ACSL3: variants seen among roughly 807,000 people sequenced by gnomAD.
ACSL3 encodes the protein acyl-CoA synthetase long chain family member 3, also known as fatty acid CoA ligase Acsl3.
ACSL3 carries 34 observed loss-of-function variants against 84.7 expected under a neutral mutation model. That is an observed-to-expected ratio of 0.40 (90% CI 0.31 to 0.53). The LOEUF (loss-of-function observed/expected upper bound fraction) is 0.53. ACSL3 is among the 20% of genes least tolerant of loss of function. The probability of loss-of-function intolerance (pLI) is 0.48; values close to 1 mark genes in which losing one functional copy is unlikely to be tolerated. For synonymous variants in ACSL3, 315 were observed against 299.4 expected, an observed-to-expected ratio of 1.05 and a Z score of -0.54; for missense variants, 680 against 873.1, an observed-to-expected ratio of 0.78 and a Z score of 2.79.
chr2:222,873,212 T>C (rs1695352093), intron 1 of ACSL3, among the ~76,000 whole-genome samples: 1 of 152,242 alleles, frequency 6.6e-6, no homozygotes, highest in African/African-American at 2.4e-5. Flanking sequence ...TCTTCAGCAG[T>C]ATTAAAACAT....
intron 1 of ACSL3, among the ~76,000 whole-genome samples, chr2:222,866,396 C>A (rs562548572): frequency 2.1e-4 from 32 of 152,274 alleles, no homozygotes; most frequent in African/African-American, 7.0e-4. Flanking sequence ...CCGCCCGCCT[C>A]GCCCTCCCAA....
At position 222,872,503 on chromosome 2, in the gene ACSL3, CATCT is replaced by C. The variant is rs944291613; in HGVS notation, c.-207+11246_-207+11249del. 9.2e-5 allele frequency among the ~76,000 whole-genome samples: 14 copies of C among 152,180 alleles called. No individual in the cohort carries two copies. The East Asian group carries it at 9.6e-4, about 10-fold the overall frequency. ...TTATTCTTAACATCTGTCATCCATC[CATCT>C]GTTTGTCTATCGGTGTGATGGATGC... On this transcript the variant is annotated intron_variant, in intron 1 of 16. Transcript: ENST00000357430.
intron 6 of ACSL3, among the ~76,000 whole-genome samples, chr2:222,918,827 G>A (rs1322860865): frequency 1.3e-5 from 2 of 151,698 alleles, no homozygotes; most frequent in African/African-American, 2.4e-5. Context: ...TTCTTGATCA[G>A]GGTTTTACCA....
chr2:222,903,564 T>C (rs932118457), intron 3 of ACSL3, among the ~76,000 whole-genome samples: 3 of 152,238 alleles, frequency 2.0e-5, no homozygotes, highest in Admixed American at 1.3e-4. Flanking sequence ...ACCATAGTTA[T>C]ATGATTGGAA....
chr2:222,888,834 A>T (rs1035439712), intron 2 of ACSL3, among the ~76,000 whole-genome samples: 12 of 152,186 alleles, frequency 7.9e-5, no homozygotes, highest in African/African-American at 2.4e-4. Flanking sequence ...AGTAGATGTG[A>T]TGGAAAAAGG....
intron 1 of ACSL3, among the ~76,000 whole-genome samples, chr2:222,867,844 G>A (rs149104499): frequency 2.6e-5 from 4 of 151,542 alleles, no homozygotes; most frequent in East Asian, 1.9e-4. Context: ...TTTTTGTCTC[G>A]GCCTTCCTCT....
rs1030780762 is a variant in ACSL3, at chr2:222,863,673, A to G, written c.-207+2415A>G. On this transcript the variant is annotated intron_variant, in intron 1 of 16. Coordinates refer to ENST00000357430, the MANE Select transcript of ACSL3 (RefSeq NM_004457.5). ...AAACAACGAGCATCATAATGACTCA[A>G]AAGTATCCATTGTAGCATACGCTTC... Among the ~76,000 whole-genome samples the G allele has an allele frequency of 3.3e-5, 5 of 152,208 alleles. No homozygotes were observed. In the East Asian group the frequency reaches 7.7e-4, roughly 23 times the overall value.
intron 14 of ACSL3, among the ~76,000 whole-genome samples, chr2:222,932,131 C>T (rs541466145): frequency 6.6e-6 from 1 of 152,160 alleles, no homozygotes; most frequent in African/African-American, 2.4e-5. Flanking sequence ...TAACACTTAG[C>T]GCTACCATTG....
In ACSL3 at chr2:222,895,200, AC is replaced by A. The variant is rs1263774457; in HGVS notation, c.-147-5472del. ...TATACTTTCTCCTTAATTTTCTAAT[AC>A]CTTCCTTTCTGCCTCCCTCACATCC... On this transcript the variant is annotated intron_variant, in intron 2 of 16. Transcript: ENST00000357430. 5.3e-5 allele frequency among the ~76,000 whole-genome samples: 8 copies of A among 152,078 alleles called. No individual in the cohort carries two copies. In the Middle Eastern group the frequency reaches 0.017, roughly 326 times the overall value.
At chr2:222,919,769 A>G (rs1696682527) in intron 7 of ACSL3, among the ~76,000 whole-genome samples, 1 of 152,236 alleles carries the variant, frequency 6.6e-6, no homozygotes, top group Non-Finnish European at 1.5e-5. Flanking sequence ...CTGTAGTTGG[A>G]AACCTAGTAA....
intron 4 of ACSL3, among the ~76,000 whole-genome samples, chr2:222,913,491 A>C (rs553412760): frequency 6.6e-6 from 1 of 152,238 alleles, no homozygotes; most frequent in Admixed American, 6.5e-5. Context: ...TATTAAAGGC[A>C]CTGCTGCATA....
chr2:222,918,373 A>G (rs893239670), intron 6 of ACSL3, among the ~76,000 whole-genome samples: 6 of 152,072 alleles, frequency 3.9e-5, no homozygotes, highest in African/African-American at 1.2e-4. Flanking sequence ...TAAGATGCCT[A>G]TGTTTAAATT....
chr2:222,924,575 T>C lies in ACSL3; in HGVS notation c.1272T>C (p.Arg424=). 6.2e-7 allele frequency: 1 copy of C among 1,607,764 alleles called. No individual in the cohort carries two copies. The highest frequency in any genetic ancestry group is 8.5e-7 in the Non-Finnish European group (1 of 1,177,650). Reference sequence around the variant, plus strand: ...AAATGGAACAGATTTCAAAAGGACGTAATACTCCACTGTGCGACAGGTAAG... The same window carrying C: ...AAATGGAACAGATTTCAAAAGGACGCAATACTCCACTGTGCGACAGGTAAG... ...NYKMEQISKG[R]NTPLCDSFVF... is the part of the protein sequence containing the mutation. Residue 424 remains arginine (R), a synonymous_variant, in exon 11 of 17, where the codon CGT becomes CGC. Transcript: ENST00000357430.
chr2:222,928,445 G>A (rs1430812304), intron 12 of ACSL3, among the ~76,000 whole-genome samples: 1 of 152,108 alleles, frequency 6.6e-6, no homozygotes, highest in Admixed American at 6.5e-5. Context: ...CAAGAACCAG[G>A]CAGCTACCTA....
intron 1 of ACSL3, among the ~76,000 whole-genome samples, chr2:222,867,817 T>C (rs1695192299): frequency 6.6e-6 from 1 of 152,164 alleles, no homozygotes; most frequent in South Asian, 2.1e-4. Context: ...TGTGCTCCTT[T>C]TTCTCTGTTC....
At chr2:222,911,904 G>GT (rs1000611399) in intron 4 of ACSL3, among the ~76,000 whole-genome samples, 2 of 152,118 alleles carry the variant, frequency 1.3e-5, no homozygotes, top group Non-Finnish European at 2.9e-5. Context: ...GAGACAGACT[G>GT]TTTTTTAGCA....
chr2:222,915,734 A>G (rs115003272), intron 4 of ACSL3, among the ~76,000 whole-genome samples: 1,911 of 152,324 alleles, frequency 0.013, 38 homozygotes, highest in African/African-American at 0.043. Context: ...TAATATAACT[A>G]GTCCACCTGG....
intron 3 of ACSL3, among the ~76,000 whole-genome samples, chr2:222,906,054 G>A (rs920371577): frequency 1.3e-5 from 2 of 152,070 alleles, no homozygotes; most frequent in African/African-American, 2.4e-5. Context: ...ATGATTTTGT[G>A]TTGTAAACTG....
At chr2:222,925,588 ACT>A (rs1696858292) in intron 11 of ACSL3, among the ~76,000 whole-genome samples, 1 of 152,008 alleles carries the variant, frequency 6.6e-6, no homozygotes, top group Non-Finnish European at 1.5e-5. Context: ...TGAAAGTGAG[ACT>A]CTGTCTCTTT....
Sources: allele counts gnomAD v4.1 joint callset (sites outside exome capture counted in the v4.1 genomes callset), GRCh38; gene constraint gnomAD v4.1.1; transcripts MANE v1.5; gene names NCBI Gene and HGNC (gene_info 2026-07-23, HGNC 2026-07-21).